The following PSG2 variants were observed in gnomAD, a reference collection of about 807,000 sequenced individuals.
PSG2 encodes the protein pregnancy specific beta-1-glycoprotein 2.
A neutral mutation model predicts 36.2 loss-of-function variants in PSG2; 49 were observed. The ratio of observed to expected loss-of-function variants is 1.35; its 90% confidence interval spans 1.08 to 1.72. PSG2 has a LOEUF of 1.72. Ranked by LOEUF, PSG2 falls within the 40% of genes most tolerant of loss-of-function variation. PSG2 has a pLI of 0.00. For missense variants in PSG2, 605 were observed against 407.2 expected (o/e 1.49, Z -4.18); for synonymous variants, 261 against 155.6 (o/e 1.68, Z -5.04).
At chr19:43,070,579 T>A (rs936839355) in intron 4 of PSG2, among the ~76,000 whole-genome samples, 3 of 151,670 alleles carry the variant, frequency 2.0e-5, no homozygotes, top group African/African-American at 7.3e-5. Context: ...TTATGCTAAC[T>A]GAAATAAGCC....
chr19:43,065,115 G>A (rs1464613304), intron 5 of PSG2, among the ~76,000 whole-genome samples: 3 of 151,894 alleles, frequency 2.0e-5, no homozygotes, highest in South Asian at 2.1e-4. Flanking sequence ...GATTGCAGGC[G>A]TGAGCCATCG....
chr19:43,079,934 A>T (rs1204079579), intron 2 of PSG2, among the ~76,000 whole-genome samples: 2 of 151,696 alleles, frequency 1.3e-5, no homozygotes, highest in African/African-American at 4.9e-5. Context: ...ACTCTGGTTC[A>T]GTGACTGTGC....
intron 2 of PSG2, among the ~76,000 whole-genome samples, chr19:43,078,396 T>C (rs1967926643): frequency 6.6e-6 from 1 of 151,726 alleles, no homozygotes; most frequent in Non-Finnish European, 1.5e-5. Flanking sequence ...TTGGCTGGAG[T>C]TGACAAAATT....
chr19:43,072,463 G>A (rs1967833507), intron 3 of PSG2: 4 of 1,611,506 alleles, frequency 2.5e-6, no homozygotes, highest in Non-Finnish European at 3.4e-6. Context: ...TGAGGATCCT[G>A]TTTTCAATGG....
In PSG2 at chr19:43,064,485, A is replaced by C. The variant is rs1427982053; in HGVS notation, c.*157T>G. ...ATTTTTCTTCTTTGTCTTGAATTTC[A>C]TGAAGGTATCAGCCTGTTCATTAAA... On this transcript the variant is annotated 3_prime_UTR_variant, in exon 6 of 6. Coordinates refer to ENST00000406487, the MANE Select transcript of PSG2 (RefSeq NM_031246.4). 2.1e-6 allele frequency: 1 copy of C among 484,962 alleles called. No individual in the cohort carries two copies. Among genetic ancestry groups the C allele is most frequent in the Admixed American group, 4.0e-5 (1 of 25,092 alleles). The allele number at this position is 484,962 out of a possible 1,614,324, so 30.0% of individuals were successfully genotyped here.
At chr19:43,066,745 G>T in intron 4 of PSG2, 145 bp from the exon 5 acceptor site, 1 of 1,340,364 alleles carries the variant, frequency 7.5e-7, no homozygotes, top group Middle Eastern at 2.1e-4. Flanking sequence ...GATGGGAGAT[G>T]ATTATATTCT....
chr19:43,069,470 C>A (rs1967786729), intron 4 of PSG2, among the ~76,000 whole-genome samples: 1 of 151,718 alleles, frequency 6.6e-6, no homozygotes, highest in Non-Finnish European at 1.5e-5. Context: ...TACTACAAAG[C>A]CCCAGTAATC....
At chr19:43,072,094 C>A (rs182947734) in intron 3 of PSG2, 140 bp from the exon 4 acceptor site, 2 of 1,403,502 alleles carry the variant, frequency 1.4e-6, no homozygotes, top group East Asian at 2.3e-5. Context: ...TTCACTGAGC[C>A]GAACCCTGAA....
chr19:43,073,470 G>T (rs1007292659), intron 3 of PSG2, among the ~76,000 whole-genome samples: 9 of 150,820 alleles, frequency 6.0e-5, no homozygotes, highest in African/African-American at 1.2e-4. Context: ...TGGTGGAAAG[G>T]GTGGGAATGA....
chr19:43,078,453 G>A (rs889559220), intron 2 of PSG2, among the ~76,000 whole-genome samples: 1 of 151,732 alleles, frequency 6.6e-6, no homozygotes, highest in Non-Finnish European at 1.5e-5. Flanking sequence ...TAGAAGTTGA[G>A]ATTGGTCTTT....
Position 43,082,673 on chromosome 19 carries a change from A to G in PSG2, c.-104T>C, listed in dbSNP as rs1967998965. On this transcript the variant is annotated 5_prime_UTR_variant, in exon 1 of 6. Coordinates refer to ENST00000406487, the MANE Select transcript of PSG2 (RefSeq NM_031246.4). ...TGCTGTCCTTCCTCCTTCTGCACTG[A>G]GCCTCTTCCTGGGGCAGCAGCAATT... 2 of 1,529,608 alleles carry G rather than the reference A, an allele frequency of 1.3e-6. No individual in the cohort carries two copies. The highest frequency in any genetic ancestry group is 1.8e-6 in the Non-Finnish European group (2 of 1,125,724). 94.8% of individuals were successfully genotyped at this position (1,529,608 alleles called of 1,614,324 possible). A position where few individuals can be genotyped will look rare whatever the true frequency, so the allele number is the denominator to read the frequency against.
chr19:43,081,058 C>T lies in PSG2; in HGVS notation c.253G>A (p.Asp85Asn). 1 of 1,612,870 alleles carries T rather than the reference C, an allele frequency of 6.2e-7. No homozygotes were observed. The highest frequency in any genetic ancestry group is 1.7e-4 in the Middle Eastern group (1 of 6,056). ...LYHYITSYVVDGQIIIYGPAY... is the reference protein window; with the variant it reads ...LYHYITSYVVNGQIIIYGPAY... ...GGCCCATATATAATTATTTGACCGT[C>T]TACTACATATGATGTAATGTAATGG... The change falls in exon 2 of 6, where the codon GAC becomes AAC. Residue 85 changes from aspartate (D) to asparagine (N), a missense_variant. Asp to Asn is a conservative substitution (Grantham distance 23). Coordinates refer to ENST00000406487, the MANE Select transcript of PSG2 (RefSeq NM_031246.4).
chr19:43,077,369 T>G (rs866155377), intron 2 of PSG2, among the ~76,000 whole-genome samples: 41 of 151,938 alleles, frequency 2.7e-4, no homozygotes, highest in Non-Finnish European at 5.9e-5. Flanking sequence ...TGTGTTATGT[T>G]AGTAAATATA....
chr19:43,068,331 T>C (rs532311211), intron 4 of PSG2, among the ~76,000 whole-genome samples: 1 of 151,264 alleles, frequency 6.6e-6, no homozygotes, highest in East Asian at 1.9e-4. Context: ...CCTAGCATCT[T>C]GAGAGGCTGA....
At chr19:43,075,077 GC>G (rs1967873806) in intron 3 of PSG2, among the ~76,000 whole-genome samples, 1 of 151,752 alleles carries the variant, frequency 6.6e-6, no homozygotes, top group Non-Finnish European at 1.5e-5. Context: ...CCAAATCCCC[GC>G]TGTGTTCACT....
At chr19:43,078,165 C>T (rs531144044) in intron 2 of PSG2, among the ~76,000 whole-genome samples, 1 of 151,756 alleles carries the variant, frequency 6.6e-6, no homozygotes, top group Non-Finnish European at 1.5e-5. Flanking sequence ...CTCACTTATT[C>T]CTGGGCATAG....
intron 2 of PSG2, 95 bp downstream of exon 2, chr19:43,080,786 G>C: frequency 6.2e-7 from 1 of 1,606,382 alleles, no homozygotes; most frequent in Non-Finnish European, 8.5e-7. Context: ...ATGCAGAGAG[G>C]GACACAGGCA....
Position 43,080,840 on chromosome 19 carries a change from C to T in PSG2, c.430+41G>A, listed in dbSNP as rs546512732. On this transcript the variant is annotated intron_variant, in intron 2 of 5. Transcript: ENST00000406487. ...CCTGTGTGTGTGAAGTAGAAATGAC[C>T]CCTGTCCCCCAACACCCAGGGATCA... is the stretch of plus-strand genomic sequence containing the variant. The T allele has an allele frequency of 3.4e-5, 55 of 1,611,894 alleles. 1 individual carries two copies. The highest frequency in any genetic ancestry group is 4.4e-5 in the Non-Finnish European group (52 of 1,178,908).
At chr19:43,072,898 C>T (rs1376638292) in intron 3 of PSG2, among the ~76,000 whole-genome samples, 2 of 151,820 alleles carry the variant, frequency 1.3e-5, no homozygotes, top group East Asian at 3.9e-4. Flanking sequence ...CAGTGGGAGT[C>T]ACAGCCCCAG....
Sources: allele counts gnomAD v4.1 joint callset (sites outside exome capture counted in the v4.1 genomes callset), GRCh38; gene constraint gnomAD v4.1.1; transcripts MANE v1.5; gene names NCBI Gene and HGNC (gene_info 2026-07-23, HGNC 2026-07-21).